FLG: variants seen among roughly 807,000 people sequenced by gnomAD.
FLG encodes epidermal filaggrin.
In FLG, 6 loss-of-function variants were observed where a neutral mutation model predicts 3.8. That is an observed-to-expected ratio of 1.60 (90% CI 0.87 to 3.15). The LOEUF (loss-of-function observed/expected upper bound fraction) is 3.15, where lower values mean the gene tolerates loss of function less well. Ranked by LOEUF, FLG falls within the 30% of genes most tolerant of loss-of-function variation. The pLI, the probability that FLG is intolerant of heterozygous loss-of-function variation, is 0.00. For missense variants in FLG, 7,595 were observed against 5,050.9 expected (o/e 1.50, Z -15.27); for synonymous variants, 2,551 against 1,931.6 (o/e 1.32, Z -8.41).
In FLG at chr1:152,306,908, G is replaced by C; in HGVS notation, c.7978C>G (p.Gln2660Glu). 3 of 1,357,622 alleles carry C rather than the reference G, an allele frequency of 2.2e-6. No individual in the cohort carries two copies. Among genetic ancestry groups the C allele is most frequent in the Non-Finnish European group, 3.0e-6 (3 of 984,108 alleles). 84.1% of individuals were successfully genotyped at this position (1,357,622 alleles called of 1,614,324 possible). Residue 2660 changes from glutamine (Q) to glutamate (E), a missense_variant, in exon 3 of 3, where the codon CAG becomes GAG. By Grantham distance (29) the Gln-to-Glu change is conservative (BLOSUM62 2). Coordinates refer to ENST00000368799, the MANE Select transcript of FLG (RefSeq NM_002016.2). ...AGERHGSHHQ[Q>E]SADSSRHSGI... ...GAGTGTCTGGAGCTGTCTGCTGACTGCTGGTGGTGGGATCCATGTCTTTCT... is the reference window on the plus strand; with the variant it reads ...GAGTGTCTGGAGCTGTCTGCTGACTCCTGGTGGTGGGATCCATGTCTTTCT...
At position 152,304,552 on chromosome 1, in the gene FLG, C is replaced by T. The variant is rs1313286200; in HGVS notation, c.10334G>A (p.Arg3445Lys). The change falls in exon 3 of 3, where the codon AGG becomes AAG. Residue 3445 changes from arginine to lysine, a missense_variant. Transcript: ENST00000368799. ...RGHPGSSRRG[R>K]QGSHYEQSVD... ...CGATTGCTCGTAGTGGGATCCCTGC[C>T]TTCCTCTTCTGCTTGACCCCGGGTG... is the stretch of plus-strand genomic sequence containing the variant. 2 of 1,609,954 alleles carry T rather than the reference C, an allele frequency of 1.2e-6. No individual in the cohort carries two copies. Among genetic ancestry groups the T allele is most frequent in the African/African-American group, 1.3e-5 (1 of 74,590 alleles).
rs1473191038 is a variant in FLG, at chr1:152,310,556, G to C, written c.4330C>G (p.Gln1444Glu). 29 of 1,613,708 alleles carry C rather than the reference G, an allele frequency of 1.8e-5. No homozygotes were observed. The highest frequency in any genetic ancestry group is 2.3e-5 in the Non-Finnish European group (27 of 1,179,916). Residue 1444 changes from glutamine to glutamate, a missense_variant, in exon 3 of 3, where the codon CAG becomes GAG. Coordinates refer to ENST00000368799, the MANE Select transcript of FLG (RefSeq NM_002016.2). ...TCAGACTGTTCATGAGAGCTCACCTGGTAGAGGAAAGACCTTGAACGTCCA... is the reference window on the plus strand; with the variant it reads ...TCAGACTGTTCATGAGAGCTCACCTCGTAGAGGAAAGACCTTGAACGTCCA... The part of the protein sequence containing the change: ...SSGRSRSFLY[Q>E]VSSHEQSEST...
rs760326120 is a variant in FLG at position 152,313,953 on chromosome 1, C to T, written c.933G>A (p.Glu311=). ...TTCTGGAAGCCGACCCAGAGTGCCT[C>T]TCAGAGTCTTCTGAGTGTCCCTCAC... ...RDSEGHSEDS[E]RHSGSASRNH... is the part of the protein sequence containing the mutation. The change falls in exon 3 of 3, where the codon GAG becomes GAA. Residue 311 remains glutamate (E), a synonymous_variant. Coordinates refer to ENST00000368799, the MANE Select transcript of FLG (RefSeq NM_002016.2). The T allele has an allele frequency of 1.2e-6, 2 of 1,613,508 alleles. No individual in the cohort carries two copies. Among genetic ancestry groups the T allele is most frequent in the African/African-American group, 2.7e-5 (2 of 74,712 alleles).
At position 152,305,181 on chromosome 1, in the gene FLG, A is replaced by T; in HGVS notation, c.9705T>A (p.Ala3235=). The stretch of plus-strand genomic sequence containing the variant: ...GAACAGATCCACGATGGTTTCTGGA[A>T]GCAGACCCAGACCACCTCTCAGAGT... ...SEDSERWSGS[A]SRNHRGSVQE... Residue 3235 remains alanine (A), a synonymous_variant, in exon 3 of 3, where the codon GCT becomes GCA. Transcript: ENST00000368799. The T allele has an allele frequency of 8.1e-6, 13 of 1,613,712 alleles. No homozygotes were observed. The highest frequency in any genetic ancestry group is 1.0e-5 in the Non-Finnish European group (12 of 1,179,944).
At position 152,305,187 on chromosome 1, in the gene FLG, C is replaced by T. The variant is rs140148415; in HGVS notation, c.9699G>A (p.Gly3233=). ...ATCCACGATGGTTTCTGGAAGCAGA[C>T]CCAGACCACCTCTCAGAGTCTTCTG... ...GHSEDSERWS[G]SASRNHRGSV... The change falls in exon 3 of 3, where the codon GGG becomes GGA. Residue 3233 remains glycine, a synonymous_variant. Coordinates refer to ENST00000368799, the MANE Select transcript of FLG (RefSeq NM_002016.2). 2.5e-3 allele frequency: 4,064 copies of T among 1,613,706 alleles called. 21 individuals are homozygous for T. Among genetic ancestry groups the T allele is most frequent in the Middle Eastern group, 4.3e-3 (26 of 6,060 alleles).
Position 152,308,721 on chromosome 1 carries a change from G to A in FLG, c.6165C>T (p.Asp2055=), listed in dbSNP as rs764577708. 6.2e-7 allele frequency: 1 copy of A among 1,614,058 alleles called. No homozygotes were observed. The highest frequency in any genetic ancestry group is 1.7e-5 in the Admixed American group (1 of 60,022). ...TTCCCTGTGCTGACACTGACTGTGT[G>A]TCTGAGTCTTCTGAATGTCCCTCAC... The part of the protein sequence containing the change: ...SDSEGHSEDS[D]TQSVSAQGKA... Residue 2055 remains aspartate (D), a synonymous_variant, in exon 3 of 3, where the codon GAC becomes GAT. Transcript: ENST00000368799.
chr1:152,314,855 G>T (rs1267378847), intron 2 of FLG, 108 bp from the exon 3 acceptor site: 7 of 1,438,458 alleles, frequency 4.9e-6, no homozygotes, highest in Non-Finnish European at 5.7e-6. Flanking sequence ...ATTAAAAAGT[G>T]GGACAAAATC....
At chr1:152,317,652 C>T (rs868762914) in intron 1 of FLG, among the ~76,000 whole-genome samples, 3 of 151,836 alleles carry the variant, frequency 2.0e-5, no homozygotes, top group Non-Finnish European at 4.4e-5. Flanking sequence ...TATACTCCCT[C>T]GGGTCATCTC....
Position 152,309,808 on chromosome 1 carries a change from G to C in FLG, c.5078C>G (p.Thr1693Arg), listed in dbSNP as rs771327271. 13 of 1,613,928 alleles carry C rather than the reference G, an allele frequency of 8.1e-6. No homozygotes were observed. Among genetic ancestry groups the C allele is most frequent in the South Asian group, 1.1e-5 (1 of 91,066 alleles). ...TTGTCTGCGCCCAGTGCCTGAGTCT[G>C]TGGAGCTGTCTGCTGACTGCTGGTG... ...SRHQQSADSS[T>R]DSGTGRRQDS... The change falls in exon 3 of 3, where the codon ACA (threonine) becomes AGA (arginine). Residue 1693 changes from threonine (T) to arginine (R), a missense_variant. Coordinates refer to ENST00000368799, the MANE Select transcript of FLG (RefSeq NM_002016.2).
rs754927316 is a variant in FLG, at chr1:152,309,838, G to A, written c.5048C>T (p.Ser1683Phe). 1 of 1,614,136 alleles carries A rather than the reference G, an allele frequency of 6.2e-7. No homozygotes were observed. Among genetic ancestry groups the A allele is most frequent in the South Asian group, 1.1e-5 (1 of 91,086 alleles). The change falls in exon 3 of 3, where the codon TCC (serine) becomes TTC (phenylalanine). Residue 1683 changes from serine (S) to phenylalanine (F), a missense_variant. Transcript: ENST00000368799. ...GCTGTCTGCTGACTGCTGGTGGCGG[G>A]ATCCATGTCTTTCTCCTGGACTTGA... ...ARSSPGERHG[S>F]RHQQSADSST...
rs771978807 is a variant in FLG at position 152,313,639 on chromosome 1, C to G, written c.1247G>C (p.Gly416Ala). 2 of 1,614,058 alleles carry G rather than the reference C, an allele frequency of 1.2e-6. No homozygotes were observed. The highest frequency in any genetic ancestry group is 1.7e-6 in the Non-Finnish European group (2 of 1,180,012). ...SSAVSDRGHRGSSGSQASDSE... is the reference protein window; with the variant it reads ...SSAVSDRGHRASSGSQASDSE... ...GTCACTGGCCTGACTACCGCTAGAC[C>G]CCCGGTGTCCACGATCGCTGACTGC... The change falls in exon 3 of 3, where the codon GGG becomes GCG. Residue 416 changes from glycine to alanine, a missense_variant. By Grantham distance (60) the Gly-to-Ala change is moderately conservative. Coordinates refer to ENST00000368799, the MANE Select transcript of FLG (RefSeq NM_002016.2).
chr1:152,312,215 T>A lies in FLG; in HGVS notation c.2671A>T (p.Ser891Cys). ...TCATTACGTGTTGTTCTGCTTGCAC[T>A]TCTGGATCCTGACTGCCCACGGGAG... ...DASRGQSGSR[S>C]ASRTTRNEEQ... Residue 891 changes from serine to cysteine, a missense_variant, in exon 3 of 3, where the codon AGT (serine) becomes TGT (cysteine). By Grantham distance (112) the Ser-to-Cys change is moderately radical (BLOSUM62 -1). Transcript: ENST00000368799. The A allele has an allele frequency of 6.2e-7, 1 of 1,613,948 alleles. No homozygotes were observed. The highest frequency in any genetic ancestry group is 8.5e-7 in the Non-Finnish European group (1 of 1,179,992).
At position 152,309,031 on chromosome 1, in the gene FLG, T is replaced by C. The variant is rs1317545176; in HGVS notation, c.5855A>G (p.Asp1952Gly). The change falls in exon 3 of 3, where the codon GAT (aspartate) becomes GGT (glycine). Residue 1952 changes from aspartate (D) to glycine (G), a missense_variant. Coordinates refer to ENST00000368799, the MANE Select transcript of FLG (RefSeq NM_002016.2). ...ATGGGACCCAGGGTGTCTGGAGCCA[T>C]CTCTTGACTGCTCCCAAGCAGATCC... ...HLGSAWEQSR[D>G]GSRHPGSHHE... 2 of 1,614,164 alleles carry C rather than the reference T, an allele frequency of 1.2e-6. No individual in the cohort carries two copies. The highest frequency in any genetic ancestry group is 1.6e-4 in the Middle Eastern group (1 of 6,062).
chr1:152,311,703 A>G lies in FLG; in HGVS notation c.3183T>C (p.Ser1061=), dbSNP rs1303354366. Residue 1061 remains serine, a synonymous_variant, in exon 3 of 3, where the codon AGT becomes AGC. Coordinates refer to ENST00000368799, the MANE Select transcript of FLG (RefSeq NM_002016.2). The stretch of plus-strand genomic sequence containing the variant: ...GACTACCACTGGACCCCCAGTGTCC[A>G]CTGTCTCTGACTGCAGATGAAGCTT... ...RRQASSAVRD[S]GHWGSSGSQA... 1 of 1,613,776 alleles carries G rather than the reference A, an allele frequency of 6.2e-7. No homozygotes were observed. The highest frequency in any genetic ancestry group is 1.7e-5 in the Admixed American group (1 of 60,002).
intron 1 of FLG, among the ~76,000 whole-genome samples, chr1:152,321,207 T>C (rs145374585): frequency 6.6e-6 from 1 of 151,088 alleles, no homozygotes; most frequent in Non-Finnish European, 1.5e-5. Flanking sequence ...ATAAGCAGCA[T>C]ACAGTTGTGT....
intron 2 of FLG, 172 bp from the exon 3 acceptor site, chr1:152,314,919 A>G (rs1652723669): frequency 1.4e-6 from 1 of 705,622 alleles, no homozygotes; most frequent in Non-Finnish European, 2.3e-6. Context: ...TTATATGTGA[A>G]CAAAGATGTA....
In FLG at chr1:152,310,987, T is replaced by C. The variant is rs1228777318; in HGVS notation, c.3899A>G (p.Glu1300Gly). 1.2e-6 allele frequency: 2 copies of C among 1,613,952 alleles called. No individual in the cohort carries two copies. Among genetic ancestry groups the C allele is most frequent in the Non-Finnish European group, 1.7e-6 (2 of 1,179,972 alleles). The change falls in exon 3 of 3, where the codon GAG becomes GGG. Residue 1300 changes from glutamate to glycine, a missense_variant. Transcript: ENST00000368799. ...ASRNHHGSSR[E>G]QSRDGSRHPG... ...GTGTCTGGAGCCATCTCTTGACTGC[T>C]CCCGAGAAGATCCATGATGGTTTCT...
chr1:152,307,455 G>A lies in FLG; in HGVS notation c.7431C>T (p.His2477=). 1.2e-6 allele frequency: 2 copies of A among 1,613,276 alleles called. No homozygotes were observed. Among genetic ancestry groups the A allele is most frequent in the Non-Finnish European group, 1.7e-6 (2 of 1,179,730 alleles). Residue 2477 remains histidine (H), a synonymous_variant, in exon 3 of 3, where the codon CAC becomes CAT. Coordinates refer to ENST00000368799, the MANE Select transcript of FLG (RefSeq NM_002016.2). The part of the protein sequence containing the change: ...GSSSGGRQGS[H]YEQLVDRSGH... ...CAGATCTATCTACCAATTGCTCGTA[G>A]TGGGATCCCTGCCTTCCTCCACTGC...
rs780516998 is a variant in FLG, at chr1:152,304,479, G to C, written c.10407C>G (p.Ser3469=). The C allele has an allele frequency of 2.3e-5, 37 of 1,612,640 alleles. No homozygotes were observed. The highest frequency in any genetic ancestry group is 3.1e-5 in the Non-Finnish European group (36 of 1,179,630). Residue 3469 remains serine (S), a synonymous_variant, in exon 3 of 3, where the codon TCC becomes TCG. Transcript: ENST00000368799. ...CACGGGAGGCATCAGACCTTCCCTG[G>C]GATGTGGTGTGGCTGTGATGGGACC... ...HSGSHHSHTT[S]QGRSDASRGQ...
Sources: allele counts gnomAD v4.1 joint callset (sites outside exome capture counted in the v4.1 genomes callset), GRCh38; gene constraint gnomAD v4.1.1; transcripts MANE v1.5; gene names NCBI Gene and HGNC (gene_info 2026-07-23, HGNC 2026-07-21).